The following CRYM variants were observed in gnomAD, a reference collection of about 807,000 sequenced individuals.
The protein encoded by CRYM is crystallin mu.
In CRYM, 18 loss-of-function variants were observed where a neutral mutation model predicts 32.9. The observed-to-expected ratio is 0.55, with a 90% CI of 0.38 to 0.81. The LOEUF is 0.81. Ranked by LOEUF, CRYM falls within the 30% of genes least tolerant of loss-of-function variation. The pLI is 0.00. For synonymous variants in CRYM, 153 were observed against 152.4 expected (o/e 1.00, Z -0.03); for missense variants, 337 against 393.5 (o/e 0.86, Z 1.21).
At chr16:21,276,373 G>A (rs226041) in intron 2 of CRYM, among the ~76,000 whole-genome samples, 40,814 of 152,068 alleles carry the variant, frequency 0.27, 5,928 homozygotes, top group African/African-American at 0.36. Context: ...TTGGATGAGT[G>A]TAAGTTGGGG....
chr16:21,286,816 C>T (rs535748393), intron 1 of CRYM, among the ~76,000 whole-genome samples: 11 of 152,150 alleles, frequency 7.2e-5, no homozygotes, highest in African/African-American at 1.4e-4. Context: ...TTAGGCCGGG[C>T]GCAGTGGCTC....
rs2093391163 is a variant in CRYM, at chr16:21,278,156, G to A, written c.96C>T (p.Ala32=). 6.4e-7 allele frequency: 1 copy of A among 1,552,878 alleles called. No homozygotes were observed. Among genetic ancestry groups the A allele is most frequent in the Non-Finnish European group, 8.7e-7 (1 of 1,148,646 alleles). The stretch of plus-strand genomic sequence containing the variant: ...CTCCTTCGGGACCGCTGGAGAAGTT[G>A]GCCAGGGCCGTCTCTAGAGGCGGGA... ...LLIPPLETAL[A]NFSSGPEGGV... Residue 32 remains alanine, a synonymous_variant, in exon 1 of 8, where the codon GCC becomes GCT. Transcript: ENST00000572914.
chr16:21,266,523 T>A (rs1230646105), intron 5 of CRYM, among the ~76,000 whole-genome samples: 1 of 151,976 alleles, frequency 6.6e-6, no homozygotes, highest in Non-Finnish European at 1.5e-5. Flanking sequence ...TAGAGCCCCC[T>A]CTCCTGCCCC....
At chr16:21,266,668 C>T (rs151093096) in intron 5 of CRYM, among the ~76,000 whole-genome samples, 62 of 152,308 alleles carry the variant, frequency 4.1e-4, no homozygotes, top group African/African-American at 1.4e-3. Flanking sequence ...AATTTCATCA[C>T]ATTTTAGAAT....
At position 21,267,686 on chromosome 16, in the gene CRYM, C is replaced by G. The variant is rs747952711; in HGVS notation, c.541G>C (p.Val181Leu). 32 of 1,614,246 alleles carry G rather than the reference C, an allele frequency of 2.0e-5. No individual in the cohort carries two copies. The highest frequency in any genetic ancestry group is 2.7e-5 in the Non-Finnish European group (32 of 1,180,038). ...KENAEKFADTVQGEVRVCSSV... is the reference protein window; with the variant it reads ...KENAEKFADTLQGEVRVCSSV... ...GAACAGACCCGTACCTCTCCTTGCA[C>G]TGTGTCTGCAAACTTCTCTGCATTT... The change falls in exon 5 of 8, where the codon GTG (valine) becomes CTG (leucine). Residue 181 changes from valine to leucine, a missense_variant. Val to Leu is a conservative substitution (Grantham distance 32, BLOSUM62 1). Coordinates refer to ENST00000572914, the MANE Select transcript of CRYM (RefSeq NM_001376256.1).
At chr16:21,259,571 G>A (rs1053146424) in intron 7 of CRYM, among the ~76,000 whole-genome samples, 7 of 152,110 alleles carry the variant, frequency 4.6e-5, no homozygotes, top group Non-Finnish European at 1.0e-4. Flanking sequence ...ATTATTGATG[G>A]GACTGAAGCT....
chr16:21,278,011 C>T (rs1304029549), intron 1 of CRYM, 71 bp downstream of exon 1: 1 of 1,480,668 alleles, frequency 6.8e-7, no homozygotes, highest in African/African-American at 1.4e-5. Context: ...TCTCCCACCC[C>T]TCCTCTTCCT....
rs1248185551 is a variant in CRYM, at chr16:21,262,019, G to C, written c.795+18C>G. ...GCCAGCCAGGTGGCAGCCCTGACTG[G>C]GGTCAGAAGGGCCTCACCCCTGACA... On this transcript the variant is annotated intron_variant, in intron 6 of 7. Transcript: ENST00000572914. 2.5e-6 allele frequency: 4 copies of C among 1,613,454 alleles called. No homozygotes were observed. The highest frequency in any genetic ancestry group is 3.3e-5 in the Admixed American group (2 of 59,982).
At chr16:21,285,510 T>C (rs751254231) in intron 1 of CRYM, among the ~76,000 whole-genome samples, 1 of 152,170 alleles carries the variant, frequency 6.6e-6, no homozygotes, top group Non-Finnish European at 1.5e-5. Context: ...CAAGGAACCA[T>C]GCCAGACTTT....
rs1597612897 is a variant in CRYM, at chr16:21,261,551, A to G, written c.796-213T>C. 1.3e-5 allele frequency: 8 copies of G among 598,238 alleles called. No individual in the cohort carries two copies. The East Asian group carries it at 2.3e-4, about 17-fold the overall frequency. The allele number at this position is 598,238 out of a possible 1,614,324, so 37.1% of individuals were successfully genotyped here. A position where few individuals can be genotyped will look rare whatever the true frequency, so the allele number is the denominator to read the frequency against. On this transcript the variant is annotated intron_variant, in intron 6 of 7. Transcript: ENST00000572914. ...GGGTGGCATTTGCTTTTGTGATACC[A>G]TAAACACAGAGATTCGAGTTGGTGC...
At chr16:21,265,620 C>G (rs1199794796) in intron 5 of CRYM, among the ~76,000 whole-genome samples, 3 of 152,198 alleles carry the variant, frequency 2.0e-5, no homozygotes, top group Admixed American at 6.5e-5. Flanking sequence ...TGTGGCATCC[C>G]TGGCATCTAG....
intron 7 of CRYM, 149 bp from the exon 8 acceptor site, chr16:21,258,994 G>A (rs752498615): frequency 1.2e-5 from 8 of 683,372 alleles, no homozygotes; most frequent in Non-Finnish European, 1.8e-5. Context: ...ATGAGCTCAG[G>A]CTTCAATTGT....
At chr16:21,301,245 G>A (rs1478744966) in intron 1 of CRYM, 5 of 152,468 alleles carry the variant, frequency 3.3e-5, no homozygotes, top group Non-Finnish European at 7.3e-5. Context: ...ACACGAGGGA[G>A]AGAGAAGCCC....
chr16:21,264,294 A>G (rs1331492409), intron 5 of CRYM, among the ~76,000 whole-genome samples: 1 of 152,218 alleles, frequency 6.6e-6, no homozygotes, highest in African/African-American at 2.4e-5. Flanking sequence ...CCCGTTTCTC[A>G]GGCCACTCCT....
At chr16:21,270,322 C>T (rs974143535) in intron 3 of CRYM, among the ~76,000 whole-genome samples, 8 of 151,670 alleles carry the variant, frequency 5.3e-5, no homozygotes, top group South Asian at 2.1e-4. Context: ...CTCGCTCTGT[C>T]GCCTAGGCTG....
At chr16:21,281,723 A>C (rs553764588), upstream of CRYM, among the ~76,000 whole-genome samples, 2 of 152,322 alleles carry the variant, frequency 1.3e-5, no homozygotes, top group South Asian at 4.1e-4. Flanking sequence ...GCATGCCTTC[A>C]TGTCCTGAAA....
At chr16:21,289,643 T>G (rs1428637515) in intron 1 of CRYM, among the ~76,000 whole-genome samples, 1 of 152,084 alleles carries the variant, frequency 6.6e-6, no homozygotes, top group Non-Finnish European at 1.5e-5. Context: ...ACATATTAGG[T>G]GCAAACTTAC....
chr16:21,258,718 G>A lies in CRYM; in HGVS notation c.*63C>T. Reference sequence around the variant, plus strand: ...GGACTGGACTCCCTCATTTACTCTAGAAATTATGAGAACCAGCAGCAATAT... The same window carrying A: ...GGACTGGACTCCCTCATTTACTCTAAAAATTATGAGAACCAGCAGCAATAT... On this transcript the variant is annotated 3_prime_UTR_variant, in exon 8 of 8. Coordinates refer to ENST00000572914, the MANE Select transcript of CRYM (RefSeq NM_001376256.1). The A allele has an allele frequency of 1.4e-6, 2 of 1,443,924 alleles. No individual in the cohort carries two copies. Among genetic ancestry groups the A allele is most frequent in the African/African-American group, 2.8e-5 (2 of 71,680 alleles). The allele number at this position is 1,443,924 out of a possible 1,614,324, so 89.4% of individuals were successfully genotyped here.
intron 1 of CRYM, among the ~76,000 whole-genome samples, chr16:21,287,312 A>AT (rs1387162175): frequency 6.6e-6 from 1 of 152,132 alleles, no homozygotes; most frequent in African/African-American, 2.4e-5. Flanking sequence ...CATAAGACCT[A>AT]TTTTTTGGTA....
Sources: allele counts gnomAD v4.1 joint callset (sites outside exome capture counted in the v4.1 genomes callset), GRCh38; gene constraint gnomAD v4.1.1; transcripts MANE v1.5; gene names NCBI Gene and HGNC (gene_info 2026-07-23, HGNC 2026-07-21).